Variants in SLC4A5 observed in about 807,000 individuals in gnomAD.
The protein encoded by SLC4A5 is electrogenic sodium bicarbonate cotransporter 4.
SLC4A5 carries 96 observed loss-of-function variants against 120.4 expected under a neutral mutation model. The ratio of observed to expected loss-of-function variants is 0.80; its 90% CI spans 0.68 to 0.94. The LOEUF (loss-of-function observed/expected upper bound fraction) is 0.94. Ranked by LOEUF, SLC4A5 falls within the 40% of genes least tolerant of loss-of-function variation. The pLI, the probability that SLC4A5 is intolerant of heterozygous loss-of-function variation, is 0.00. For synonymous variants in SLC4A5, 550 were observed against 571.1 expected, an observed-to-expected ratio of 0.96 and a Z score of 0.53; for missense variants, 1,259 against 1,459.5, an observed-to-expected ratio of 0.86 and a Z score of 2.24.
At chr2:74,268,304 G>A (rs1250879774) in intron 8 of SLC4A5, among the ~76,000 whole-genome samples, 1 of 152,204 alleles carries the variant, frequency 6.6e-6, no homozygotes, top group Admixed American at 6.5e-5. Context: ...CTTGATGGTT[G>A]ATATTTTGGT....
intron 11 of SLC4A5, among the ~76,000 whole-genome samples, chr2:74,261,296 C>T (rs894157866): frequency 1.3e-5 from 2 of 152,210 alleles, no homozygotes; most frequent in African/African-American, 4.8e-5. Flanking sequence ...CTGAACACTG[C>T]CACTGGGCAT....
At chr2:74,270,456 G>A (rs868862220) in intron 8 of SLC4A5, among the ~76,000 whole-genome samples, 45 of 152,260 alleles carry the variant, frequency 3.0e-4, no homozygotes, top group African/African-American at 7.9e-4. Context: ...GGCGGATCAC[G>A]AGGTCAGGAG....
At chr2:74,264,363 T>C in intron 9 of SLC4A5, 64 bp from the exon 10 acceptor site, 1 of 1,530,416 alleles carries the variant, frequency 6.5e-7, no homozygotes, top group Non-Finnish European at 8.8e-7. Flanking sequence ...ATGGAAGTCT[T>C]CAGTTTCACC....
chr2:74,303,565 T>C (rs1374785652), intron 7 of SLC4A5, among the ~76,000 whole-genome samples: 5 of 152,104 alleles, frequency 3.3e-5, no homozygotes, highest in Non-Finnish European at 5.9e-5. Context: ...TTCCAGTCCT[T>C]TTTACTCCTC....
intron 5 of SLC4A5, among the ~76,000 whole-genome samples, chr2:74,317,636 G>C (rs1241905646): frequency 1.3e-5 from 2 of 152,178 alleles, no homozygotes; most frequent in African/African-American, 4.8e-5. Context: ...GAAGATCCCT[G>C]GACAGCTGAG....
chr2:74,284,780 C>T (rs1671928980), intron 8 of SLC4A5, among the ~76,000 whole-genome samples: 1 of 152,160 alleles, frequency 6.6e-6, no homozygotes, highest in South Asian at 2.1e-4. Context: ...CCCTTGGCTC[C>T]TGCGACTTCT....
intron 28 of SLC4A5, 135 bp downstream of exon 28, chr2:74,224,704 TG>T: frequency 8.2e-7 from 1 of 1,226,688 alleles, no homozygotes; most frequent in Non-Finnish European, 1.1e-6. Flanking sequence ...GACAAGCAGA[TG>T]CCCCAGCCCA....
chr2:74,306,884 G>A (rs1672661588), intron 6 of SLC4A5: 1 of 628,708 alleles, frequency 1.6e-6, no homozygotes, highest in Admixed American at 2.1e-5. Context: ...AGTGGTAGGT[G>A]GTGATCTCAG....
intron 11 of SLC4A5, 109 bp from the exon 12 acceptor site, chr2:74,259,752 T>C: frequency 1.0e-6 from 1 of 995,960 alleles, no homozygotes; most frequent in Non-Finnish European, 1.6e-6. Context: ...CAAAGCAAAC[T>C]CCCTCCCCCT....
chr2:74,330,278 TGGA>T (rs766346369), intron 4 of SLC4A5, among the ~76,000 whole-genome samples: 16 of 145,130 alleles, frequency 1.1e-4, no homozygotes, highest in Non-Finnish European at 2.4e-4. Context: ...GAGGTCTAGA[TGGA>T]GGAGTGTGGT....
At chr2:74,319,669 T>TTC (rs139977580) in intron 5 of SLC4A5, among the ~76,000 whole-genome samples, 2 of 151,506 alleles carry the variant, frequency 1.3e-5, no homozygotes, top group African/African-American at 2.4e-5. Context: ...CTCTCTCTTT[T>TTC]TCTCTCTCTC....
At chr2:74,221,407 G>A (rs1694638551) in intron 30 of SLC4A5, 27 bp downstream of exon 30, 10 of 1,537,876 alleles carry the variant, frequency 6.5e-6, no homozygotes, top group South Asian at 2.2e-5. Context: ...TACCTAATAC[G>A]CAAGGAGTCT....
Position 74,265,282 on chromosome 2 carries a change from G to A in SLC4A5, c.402-18C>T. 6.2e-7 allele frequency: 1 copy of A among 1,611,320 alleles called. No homozygotes were observed. The highest frequency in any genetic ancestry group is 8.5e-7 in the Non-Finnish European group (1 of 1,178,144). On this transcript the variant is annotated intron_variant, in intron 8 of 30. Transcript: ENST00000394019. ...TTATCCACCTGGAAGGGTAAGGATG[G>A]GGCTCAGTGTGGCCAGGGCCCTCAG... is the stretch of plus-strand genomic sequence containing the variant.
intron 10 of SLC4A5, among the ~76,000 whole-genome samples, chr2:74,263,381 C>T (rs773311427): frequency 2.6e-5 from 4 of 152,160 alleles, no homozygotes; most frequent in South Asian, 2.1e-4. Context: ...CCACCATGTC[C>T]GGCCCACTTC....
At chr2:74,316,104 A>G (rs1347417552) in intron 5 of SLC4A5, among the ~76,000 whole-genome samples, 3 of 152,042 alleles carry the variant, frequency 2.0e-5, no homozygotes, top group Admixed American at 2.0e-4. Context: ...ACATGGAAAA[A>G]CAAATCTGGA....
At position 74,331,431 on chromosome 2, in the gene SLC4A5, G is replaced by T. The variant is rs114909884; in HGVS notation, c.-70+2596C>A. 9.3e-3 allele frequency among the ~76,000 whole-genome samples: 1,410 copies of T among 151,690 alleles called. 25 individuals carry two copies. Among genetic ancestry groups the T allele is most frequent in the African/African-American group, 0.031 (1,289 of 41,270 alleles). On this transcript the variant is annotated intron_variant, in intron 4 of 30. Transcript: ENST00000394019. Reference sequence around the variant, plus strand: ...AGGTGGCAAGGTGTAGATGGAGGATGTGGAGGCAGTGATAGTGATGAAGGA... The same window carrying T: ...AGGTGGCAAGGTGTAGATGGAGGATTTGGAGGCAGTGATAGTGATGAAGGA...
intron 21 of SLC4A5, among the ~76,000 whole-genome samples, chr2:74,237,575 AAAATTCAACT>A (rs1340994370): frequency 1.3e-5 from 2 of 152,190 alleles, no homozygotes; most frequent in Non-Finnish European, 2.9e-5. Flanking sequence ...AAATCTGGGA[AAAATTCAACT>A]ATTTATTTCA....
At chr2:74,305,141 AG>A (rs1672603640) in intron 6 of SLC4A5, among the ~76,000 whole-genome samples, 2 of 152,210 alleles carry the variant, frequency 1.3e-5, no homozygotes, top group Admixed American at 6.5e-5. Flanking sequence ...TGAGTTATTG[AG>A]GGTTTCACAA....
At chr2:74,226,094 A>G (rs569082925) in intron 27 of SLC4A5, among the ~76,000 whole-genome samples, 3 of 152,282 alleles carry the variant, frequency 2.0e-5, no homozygotes, top group Middle Eastern at 3.4e-3. Flanking sequence ...CTGCAGGTCT[A>G]TGCTCACCTG....
Sources: allele counts gnomAD v4.1 joint callset (sites outside exome capture counted in the v4.1 genomes callset), GRCh38; gene constraint gnomAD v4.1.1; transcripts MANE v1.5; gene names NCBI Gene and HGNC (gene_info 2026-07-23, HGNC 2026-07-21).